The following ARID1B variants were observed in gnomAD, a reference collection of about 807,000 sequenced individuals.
The protein encoded by ARID1B is AT-rich interaction domain 1B, also known as AT-rich interactive domain-containing protein 1B.
Under a neutral mutation model 212.3 loss-of-function variants are expected in ARID1B, and 30 were observed. The ratio of observed to expected loss-of-function variants is 0.14; its 90% CI spans 0.11 to 0.19. ARID1B has a LOEUF of 0.19. ARID1B is among the 10% of genes least tolerant of loss of function. The pLI, the probability that ARID1B is intolerant of heterozygous loss-of-function variation, is 1.00. For missense variants in ARID1B, 2,891 were observed against 3,204.0 expected (o/e 0.90, Z 2.36); for synonymous variants, 1,402 against 1,301.7 (o/e 1.08, Z -1.66).
chr6:156,916,921 CAA>C (rs1187306458), intron 3 of ARID1B, among the ~76,000 whole-genome samples: 2 of 152,144 alleles, frequency 1.3e-5, no homozygotes, highest in Admixed American at 6.5e-5. Flanking sequence ...TCAGGTAACT[CAA>C]AGAGAGTTGC....
intron 4 of ARID1B, chr6:156,937,065 C>G (rs1792299929): frequency 6.6e-6 from 1 of 151,868 alleles, no homozygotes; most frequent in Non-Finnish European, 1.5e-5. Context: ...TTTTTCCCCC[C>G]CCCTTTAGTA....
At chr6:156,919,800 C>T (rs1489838071) in intron 3 of ARID1B, among the ~76,000 whole-genome samples, 1 of 152,226 alleles carries the variant, frequency 6.6e-6, no homozygotes, top group African/African-American at 2.4e-5. Flanking sequence ...CACTGCACTC[C>T]AGCCTGGGTC....
intron 3 of ARID1B, among the ~76,000 whole-genome samples, chr6:156,934,151 T>C (rs1791967610): frequency 1.3e-5 from 2 of 152,264 alleles, no homozygotes; most frequent in African/African-American, 4.8e-5. Flanking sequence ...TAATTTTATT[T>C]TAAAGCAATA....
chr6:157,166,896 T>C (rs957689128), intron 8 of ARID1B, 144 bp from the exon 9 acceptor site: 6 of 1,174,232 alleles, frequency 5.1e-6, no homozygotes, highest in Admixed American at 2.6e-5. Context: ...AGCCTTTCTC[T>C]CCAGGAAATA....
rs1037043932 is a variant in ARID1B, at chr6:156,856,074, T to G, written c.1986+26653T>G. ...TCTGGAGACTTTCTGGACCCCTGCT[T>G]CTTTGTAGGGTTGTTATGAGGACAA... On this transcript the variant is annotated intron_variant, in intron 2 of 19. Coordinates refer to ENST00000636930, the MANE Select transcript of ARID1B (RefSeq NM_001374828.1). Among the ~76,000 whole-genome samples the G allele has an allele frequency of 8.5e-5, 13 of 152,160 alleles. No homozygotes were observed. The South Asian group carries it at 2.7e-3, about 32-fold the overall frequency.
chr6:157,177,453 A>C (rs1792177952), intron 11 of ARID1B, among the ~76,000 whole-genome samples: 1 of 152,234 alleles, frequency 6.6e-6, no homozygotes, highest in East Asian at 1.9e-4. Context: ...AGTGTCCTTA[A>C]TAAAGCCTGT....
chr6:156,806,198 C>T (rs1362079133), intron 1 of ARID1B, among the ~76,000 whole-genome samples: 1 of 152,142 alleles, frequency 6.6e-6, no homozygotes, highest in Non-Finnish European at 1.5e-5. Flanking sequence ...TGCCCAGGTC[C>T]TCAATAAGTG....
intron 16 of ARID1B, 152 bp downstream of exon 16, chr6:157,196,467 C>T: frequency 9.8e-7 from 1 of 1,017,812 alleles, no homozygotes; most frequent in African/African-American, 1.7e-5. Flanking sequence ...TGCTGGTCAC[C>T]AGGTGAGTGT....
intron 3 of ARID1B, among the ~76,000 whole-genome samples, chr6:156,930,908 A>C (rs924052609): frequency 6.6e-6 from 1 of 152,178 alleles, no homozygotes; most frequent in Admixed American, 6.5e-5. Flanking sequence ...ATCCAAAGCT[A>C]GGCCAGGCAG....
intron 4 of ARID1B, among the ~76,000 whole-genome samples, chr6:156,965,273 G>A (rs1417727064): frequency 6.6e-6 from 1 of 152,154 alleles, no homozygotes; most frequent in African/African-American, 2.4e-5. Flanking sequence ...TCTGGAATGT[G>A]GTTGCACAGT....
intron 6 of ARID1B, among the ~76,000 whole-genome samples, chr6:157,118,913 C>T (rs1429961109): frequency 6.6e-6 from 1 of 152,180 alleles, no homozygotes; most frequent in Non-Finnish European, 1.5e-5. Context: ...TTAAAGTGGG[C>T]TTTTAATACT....
intron 3 of ARID1B, among the ~76,000 whole-genome samples, chr6:156,913,364 G>A (rs755652797): frequency 5.9e-5 from 9 of 151,514 alleles, no homozygotes; most frequent in Non-Finnish European, 7.4e-5. Flanking sequence ...CTACAGGCAC[G>A]CGCCACCATG....
chr6:157,112,922 CTT>C (rs573564655), intron 6 of ARID1B, among the ~76,000 whole-genome samples: 22 of 137,132 alleles, frequency 1.6e-4, no homozygotes, highest in Non-Finnish European at 1.8e-4. Flanking sequence ...ATGACCACTT[CTT>C]TTTTTTTTTT....
At chr6:157,184,943 C>G in intron 13 of ARID1B, 1 of 172,604 alleles carries the variant, frequency 5.8e-6, no homozygotes, top group South Asian at 1.4e-4. Flanking sequence ...GTTCTCACTT[C>G]TAGGGAATTT....
intron 4 of ARID1B, among the ~76,000 whole-genome samples, chr6:157,016,772 TC>T (rs1779944976): frequency 6.6e-6 from 1 of 152,260 alleles, no homozygotes; most frequent in South Asian, 2.1e-4. Context: ...TTTTTACTAA[TC>T]TTTCTTAAAT....
At chr6:157,194,669 T>C (rs1240067150) in intron 15 of ARID1B, 6 of 152,240 alleles carry the variant, frequency 3.9e-5, no homozygotes, top group African/African-American at 1.4e-4. Context: ...CTTAACTCCT[T>C]AATAATTTTT....
chr6:156,886,599 G>T (rs1787523955), intron 2 of ARID1B, among the ~76,000 whole-genome samples: 1 of 152,110 alleles, frequency 6.6e-6, no homozygotes. Context: ...TAATGACTGA[G>T]CCTCGTGGGA....
At chr6:157,003,841 A>G (rs984470840) in intron 4 of ARID1B, among the ~76,000 whole-genome samples, 1 of 151,878 alleles carries the variant, frequency 6.6e-6, no homozygotes, top group African/African-American at 2.4e-5. Context: ...GGTGCGCATG[A>G]CTGTTCCTGG....
intron 1 of ARID1B, among the ~76,000 whole-genome samples, chr6:156,826,336 A>G (rs535680477): frequency 6.6e-6 from 1 of 152,244 alleles, no homozygotes; most frequent in South Asian, 2.1e-4. Flanking sequence ...ACCCAGTGAG[A>G]CACCCTCTTC....
Sources: gnomAD v4.1 joint callset for allele counts (sites outside exome capture counted in the v4.1 genomes callset) on GRCh38, gnomAD v4.1.1 for gene constraint, MANE v1.5 for transcripts, NCBI Gene and HGNC (gene_info 2026-07-23, HGNC 2026-07-21) for gene names.